The following ZFHX4 variants were observed in gnomAD, a reference collection of about 807,000 sequenced individuals.
ZFHX4 encodes zinc finger homeobox protein 4.
A neutral mutation model predicts 267.6 loss-of-function variants in ZFHX4; 56 were observed. That is an observed-to-expected ratio of 0.21 (90% CI 0.17 to 0.26). The LOEUF is 0.26. ZFHX4 is among the 10% of genes least tolerant of loss of function. The pLI, the probability that ZFHX4 is intolerant of heterozygous loss-of-function variation, is 1.00. For synonymous variants in ZFHX4, 1,778 were observed against 1,665.6 expected (o/e 1.07, Z -1.64); for missense variants, 4,332 against 4,420.0 (o/e 0.98, Z 0.56).
chr8:76,783,161 TATAAAG>T (rs1479360064), intron 4 of ZFHX4, among the ~76,000 whole-genome samples: 3 of 152,022 alleles, frequency 2.0e-5, no homozygotes. Flanking sequence ...GTGTGAATCT[TATAAAG>T]ATAATTATTA....
chr8:76,851,177 A>G lies in ZFHX4; in HGVS notation c.4256A>G (p.His1419Arg). The change falls in exon 10 of 11, where the codon CAT (histidine) becomes CGT (arginine). Residue 1419 changes from histidine to arginine, a missense_variant. Physicochemically the swap from His to Arg is conservative, Grantham distance 29. Transcript: ENST00000651372. ...MQKLQIHSQYHAIRAATMCNL... is the reference protein window; with the variant it reads ...MQKLQIHSQYRAIRAATMCNL... ...AAGCTTCAGATACATTCCCAGTATC[A>G]TGCAATTCGGGCTGCGACAATGTGT... The G allele has an allele frequency of 6.2e-7, 1 of 1,613,966 alleles. No individual in the cohort carries two copies. Among genetic ancestry groups the G allele is most frequent in the South Asian group, 1.1e-5 (1 of 91,084 alleles).
intron 5 of ZFHX4, among the ~76,000 whole-genome samples, chr8:76,839,872 C>T (rs1459661002): frequency 6.6e-6 from 1 of 152,096 alleles, no homozygotes; most frequent in Non-Finnish European, 1.5e-5. Flanking sequence ...GAGTTCTAAC[C>T]TACAGGGTTT....
chr8:76,855,585 C>T lies in ZFHX4; in HGVS notation c.8664C>T (p.Ile2888=), dbSNP rs777073218. ...KDGDHDQSFY[I]TDDPDDNADR... ...GCGACCACGACCAAAGCTTTTACAT[C>T]ACAGATGACCCGGATGACAACGCCG... Residue 2888 remains isoleucine (I), a synonymous_variant, in exon 10 of 11, where the codon ATC becomes ATT. Coordinates refer to ENST00000651372, the MANE Select transcript of ZFHX4 (RefSeq NM_024721.5). 6 of 1,613,878 alleles carry T rather than the reference C, an allele frequency of 3.7e-6. No individual in the cohort carries two copies. Among genetic ancestry groups the T allele is most frequent in the South Asian group, 3.3e-5 (3 of 91,078 alleles).
chr8:76,776,811 T>C (rs546797900), intron 3 of ZFHX4, among the ~76,000 whole-genome samples: 60 of 152,210 alleles, frequency 3.9e-4, no homozygotes, highest in African/African-American at 1.4e-3. Flanking sequence ...ATACTAAAAG[T>C]GTCCATGAGC....
At chr8:76,792,569 A>G (rs1238611778) in intron 4 of ZFHX4, among the ~76,000 whole-genome samples, 1 of 152,204 alleles carries the variant, frequency 6.6e-6, no homozygotes, top group Non-Finnish European at 1.5e-5. Context: ...GGACAAGATC[A>G]TATGTTTCTT....
At position 76,865,875 on chromosome 8, in the gene ZFHX4, C is replaced by T. The variant is rs1813014131; in HGVS notation, c.*1310C>T. 1 of 152,226 alleles carries T rather than the reference C, an allele frequency of 6.6e-6. No individual in the cohort carries two copies. Among genetic ancestry groups the T allele is most frequent in the South Asian group, 2.1e-4 (1 of 4,812 alleles). The allele number at this position is 152,226 out of a possible 1,614,324, so 9.4% of individuals were successfully genotyped here. On this transcript the variant is annotated 3_prime_UTR_variant, in exon 11 of 11. Coordinates refer to ENST00000651372, the MANE Select transcript of ZFHX4 (RefSeq NM_024721.5). ...TTGTTCTGTTACATACTTTTTTTAACCTGTTTTGTTTTATCATATATGCAT... is the reference window on the plus strand; with the variant it reads ...TTGTTCTGTTACATACTTTTTTTAATCTGTTTTGTTTTATCATATATGCAT...
At position 76,706,634 on chromosome 8, in the gene ZFHX4, T is replaced by A. The variant is rs752043116; in HGVS notation, c.2546T>A (p.Phe849Tyr). Reference protein sequence around the residue: ...PADPQLMINPFQLDPATAAAL... With the variant: ...PADPQLMINPYQLDPATAAAL... ...GACCCTCAGCTGATGATCAATCCATTCCAGCTGGATCCAGCGACAGCAGCG... is the reference window on the plus strand; with the variant it reads ...GACCCTCAGCTGATGATCAATCCATACCAGCTGGATCCAGCGACAGCAGCG... The change falls in exon 2 of 11, where the codon TTC becomes TAC. Residue 849 changes from phenylalanine to tyrosine, a missense_variant. Phe to Tyr is a conservative substitution (Grantham distance 22). Coordinates refer to ENST00000651372, the MANE Select transcript of ZFHX4 (RefSeq NM_024721.5). 1 of 1,601,458 alleles carries A rather than the reference T, an allele frequency of 6.2e-7. No individual in the cohort carries two copies. Among genetic ancestry groups the A allele is most frequent in the Non-Finnish European group, 8.5e-7 (1 of 1,175,364 alleles).
intron 3 of ZFHX4, among the ~76,000 whole-genome samples, chr8:76,744,877 C>T (rs1278321894): frequency 1.3e-5 from 2 of 152,132 alleles, no homozygotes; most frequent in Non-Finnish European, 2.9e-5. Flanking sequence ...CCTGTGCTTT[C>T]CTAAACACTT....
At position 76,865,219 on chromosome 8, in the gene ZFHX4, T is replaced by C. The variant is rs1167599668; in HGVS notation, c.*654T>C. On this transcript the variant is annotated 3_prime_UTR_variant, in exon 11 of 11. Coordinates refer to ENST00000651372, the MANE Select transcript of ZFHX4 (RefSeq NM_024721.5). ...TGGAATCATGTGTCTGCCCTGTGTA[T>C]TGCAGTTTGTATTGCCACAAGCTAT... The C allele has an allele frequency of 6.6e-6, 1 of 152,644 alleles. No homozygotes were observed. Among genetic ancestry groups the C allele is most frequent in the Admixed American group, 6.5e-5 (1 of 15,282 alleles). 9.5% of individuals were successfully genotyped at this position (152,644 alleles called of 1,614,324 possible).
At chr8:76,691,114 T>C (rs771729678) in intron 1 of ZFHX4, among the ~76,000 whole-genome samples, 2 of 152,036 alleles carry the variant, frequency 1.3e-5, no homozygotes, top group Non-Finnish European at 2.9e-5. Flanking sequence ...AAAAGGCTTG[T>C]TGAATGAATG....
intron 3 of ZFHX4, 108 bp downstream of exon 3, chr8:76,708,156 A>G (rs771263935): frequency 3.6e-6 from 5 of 1,381,860 alleles, no homozygotes; most frequent in Non-Finnish European, 5.0e-6. Flanking sequence ...GAGAAAAAAC[A>G]TCAAAGGGCA....
intron 10 of ZFHX4, 85 bp downstream of exon 10, chr8:76,856,385 G>T: frequency 6.8e-7 from 1 of 1,476,530 alleles, no homozygotes; most frequent in South Asian, 1.2e-5. Flanking sequence ...GGGTGCCTTT[G>T]GATTTCTTTT....
At chr8:76,724,746 T>C (rs565231584) in intron 3 of ZFHX4, among the ~76,000 whole-genome samples, 1 of 152,230 alleles carries the variant, frequency 6.6e-6, no homozygotes, top group Admixed American at 6.5e-5. Context: ...ACTTCCTTTG[T>C]ACATGAAGAT....
chr8:76,683,163 T>G (rs1054686058), intron 1 of ZFHX4: 1 of 152,166 alleles, frequency 6.6e-6, no homozygotes, highest in African/African-American at 2.4e-5. Context: ...GCGGTTCTGG[T>G]GAGGTTTTAG....
At position 76,842,748 on chromosome 8, in the gene ZFHX4, G is replaced by GCAA; in HGVS notation, c.3489_3491dup (p.Gly1163_Lys1164insAsn). 6.4e-7 allele frequency: 1 copy of GCAA among 1,552,198 alleles called. No homozygotes were observed. Among genetic ancestry groups the GCAA allele is most frequent in the Non-Finnish European group, 8.7e-7 (1 of 1,147,264 alleles). On this transcript the variant is annotated inframe_insertion, in exon 6 of 11. Coordinates refer to ENST00000651372, the MANE Select transcript of ZFHX4 (RefSeq NM_024721.5). ...ACAAGTGAGAGAGACAATAGTGAAG[G>GCAA]CAAAAACTCTAATAAAGACTCTGGT...
At chr8:76,699,272 A>G (rs749516167) in intron 1 of ZFHX4, among the ~76,000 whole-genome samples, 6 of 152,158 alleles carry the variant, frequency 3.9e-5, no homozygotes, top group East Asian at 1.9e-4. Context: ...TTTAGTGTCT[A>G]TTGGAACATA....
In ZFHX4 at chr8:76,704,843, T is replaced by C; in HGVS notation, c.755T>C (p.Val252Ala). The C allele has an allele frequency of 3.7e-6, 6 of 1,614,214 alleles. No individual in the cohort carries two copies. Among genetic ancestry groups the C allele is most frequent in the Non-Finnish European group, 5.1e-6 (6 of 1,180,036 alleles). The change falls in exon 2 of 11, where the codon GTG (valine) becomes GCG (alanine). Residue 252 changes from valine to alanine, a missense_variant. Physicochemically the swap from Val to Ala is moderately conservative, Grantham distance 64. This residue lies in a region of ZFHX4 where 1,195 missense variants were observed against 1,173.6 expected (regional missense o/e 1.02). Coordinates refer to ENST00000651372, the MANE Select transcript of ZFHX4 (RefSeq NM_024721.5). Reference sequence around the variant, plus strand: ...GATGGCTCAGCCAAAAACTCCTGTGTGTCCAAAGATGTCCCTAACAATGTG... The same window carrying C: ...GATGGCTCAGCCAAAAACTCCTGTGCGTCCAAAGATGTCCCTAACAATGTG... ...TSDGSAKNSC[V>A]SKDVPNNVDL... is the part of the protein sequence containing the mutation.
chr8:76,726,599 T>A (rs1310183738), intron 3 of ZFHX4, among the ~76,000 whole-genome samples: 1 of 152,196 alleles, frequency 6.6e-6, no homozygotes, highest in African/African-American at 2.4e-5. Context: ...ATATTTCCCT[T>A]TTTTAACTCA....
At chr8:76,825,636 G>A (rs1299620165) in intron 4 of ZFHX4, among the ~76,000 whole-genome samples, 1 of 152,212 alleles carries the variant, frequency 6.6e-6, no homozygotes, top group African/African-American at 2.4e-5. Context: ...TTTCAACACA[G>A]GGGTTATGTT....
Sources: gnomAD v4.1 joint callset for allele counts (sites outside exome capture counted in the v4.1 genomes callset) on GRCh38, gnomAD v4.1.1 for gene constraint, gnomAD v4.1.1 regional missense constraint, MANE v1.5 for transcripts, NCBI Gene and HGNC (gene_info 2026-07-23, HGNC 2026-07-21) for gene names.